The following GALNTL6 variants were observed in gnomAD, a reference collection of about 807,000 sequenced individuals.
GALNTL6 encodes the protein polypeptide N-acetylgalactosaminyltransferase like 6, also known as polypeptide N-acetylgalactosaminyltransferase-like 6.
In GALNTL6, 46 loss-of-function variants were observed where a neutral mutation model predicts 73.7. The ratio of observed to expected loss-of-function variants is 0.62; its 90% CI spans 0.49 to 0.80. The LOEUF is 0.80. Ranked by LOEUF, GALNTL6 falls within the 30% of genes least tolerant of loss-of-function variation. GALNTL6 has a pLI of 0.00. For synonymous variants in GALNTL6, 259 were observed against 263.7 expected, an observed-to-expected ratio of 0.98 and a Z score of 0.17; for missense variants, 604 against 755.0, an observed-to-expected ratio of 0.80 and a Z score of 2.34.
rs1035300993 is a variant in GALNTL6 at position 172,181,683 on chromosome 4, T to C, written c.139-47973T>C. ...AGTTTTCAGATGACATGATTGTATA[T>C]TTAGAAAATGCCATCATCTCAGCCC... On this transcript the variant is annotated intron_variant, in intron 2 of 12. Coordinates refer to ENST00000506823, the MANE Select transcript of GALNTL6 (RefSeq NM_001034845.3). Among the ~76,000 whole-genome samples, 7 of 151,836 alleles carry C rather than the reference T, an allele frequency of 4.6e-5. No homozygotes were observed. The East Asian group carries it at 5.8e-4, about 13-fold the overall frequency.
intron 2 of GALNTL6, among the ~76,000 whole-genome samples, chr4:172,180,744 A>C (rs1385908314): frequency 6.6e-6 from 1 of 152,154 alleles, no homozygotes; most frequent in Non-Finnish European, 1.5e-5. Context: ...GGTTTGTCAA[A>C]GATCAGATGG....
intron 7 of GALNTL6, among the ~76,000 whole-genome samples, chr4:172,881,582 C>T (rs1288014473): frequency 1.3e-5 from 2 of 152,158 alleles, no homozygotes; most frequent in Non-Finnish European, 2.9e-5. Flanking sequence ...TAAAGCATTA[C>T]CAAGACTAAG....
intron 5 of GALNTL6, among the ~76,000 whole-genome samples, chr4:172,398,564 T>C (rs1743929162): frequency 1.3e-5 from 2 of 152,142 alleles, no homozygotes; most frequent in African/African-American, 4.8e-5. Flanking sequence ...TGTGTTGAGA[T>C]GAAAGAAAGA....
At chr4:171,902,258 G>T (rs1030270759) in intron 2 of GALNTL6, among the ~76,000 whole-genome samples, 4 of 152,112 alleles carry the variant, frequency 2.6e-5, no homozygotes, top group Non-Finnish European at 4.4e-5. Flanking sequence ...TATTCAGGAG[G>T]TTGTAAAAAA....
At chr4:172,434,870 A>G (rs529390412) in intron 5 of GALNTL6, among the ~76,000 whole-genome samples, 1 of 152,186 alleles carries the variant, frequency 6.6e-6, no homozygotes, top group East Asian at 1.9e-4. Flanking sequence ...CATATTCCAT[A>G]GTCTTTATTT....
chr4:172,113,529 C>T (rs1349500018), intron 2 of GALNTL6, among the ~76,000 whole-genome samples: 1 of 151,888 alleles, frequency 6.6e-6, no homozygotes, highest in East Asian at 1.9e-4. Flanking sequence ...CTGAGTTAAG[C>T]AATGTCTATT....
At chr4:172,582,297 G>A (rs1355301468) in intron 5 of GALNTL6, among the ~76,000 whole-genome samples, 1 of 152,164 alleles carries the variant, frequency 6.6e-6, no homozygotes, top group Non-Finnish European at 1.5e-5. Context: ...CCTTGGGCAG[G>A]TTATTTAAAC....
intron 5 of GALNTL6, among the ~76,000 whole-genome samples, chr4:172,588,876 A>G (rs914153397): frequency 6.6e-6 from 1 of 152,210 alleles, no homozygotes; most frequent in Non-Finnish European, 1.5e-5. Context: ...AGCTCTAACC[A>G]TAATGAAGGC....
intron 2 of GALNTL6, among the ~76,000 whole-genome samples, chr4:171,951,688 C>T (rs1489935988): frequency 6.6e-6 from 1 of 151,906 alleles, no homozygotes; most frequent in Non-Finnish European, 1.5e-5. Flanking sequence ...AGAACACATT[C>T]AATTTTTAAA....
At chr4:173,021,214 T>C (rs1167726171) in intron 11 of GALNTL6, among the ~76,000 whole-genome samples, 1 of 152,146 alleles carries the variant, frequency 6.6e-6, no homozygotes, top group African/African-American at 2.4e-5. Flanking sequence ...TTTTCTACCA[T>C]CCTCTGTATT....
chr4:172,697,145 T>C (rs1733746764), intron 5 of GALNTL6, among the ~76,000 whole-genome samples: 1 of 152,220 alleles, frequency 6.6e-6, no homozygotes, highest in African/African-American at 2.4e-5. Flanking sequence ...TCCAAATGCC[T>C]TTTTTACAGC....
At chr4:172,455,073 G>C (rs1732342040) in intron 5 of GALNTL6, among the ~76,000 whole-genome samples, 1 of 152,202 alleles carries the variant, frequency 6.6e-6, no homozygotes, top group Admixed American at 6.5e-5. Flanking sequence ...GTGAGCAGAA[G>C]CAGGGTGGGG....
At chr4:171,818,816 T>A (rs1012227905) in intron 2 of GALNTL6, among the ~76,000 whole-genome samples, 93 of 152,112 alleles carry the variant, frequency 6.1e-4, no homozygotes, top group African/African-American at 1.8e-3. Context: ...TAAAAAAAAA[T>A]TCTGAAAAGG....
intron 5 of GALNTL6, among the ~76,000 whole-genome samples, chr4:172,379,076 A>G (rs1021268156): frequency 6.6e-6 from 1 of 152,218 alleles, no homozygotes; most frequent in Non-Finnish European, 1.5e-5. Context: ...AATGGTCACA[A>G]GCTTTTTCTG....
chr4:172,910,097 A>T (rs1308603368), intron 8 of GALNTL6, among the ~76,000 whole-genome samples: 2 of 151,970 alleles, frequency 1.3e-5, no homozygotes, highest in African/African-American at 2.4e-5. Context: ...TAATTTATAT[A>T]TAAAACATAT....
At chr4:172,213,083 G>T (rs1225056381) in intron 2 of GALNTL6, among the ~76,000 whole-genome samples, 2 of 141,392 alleles carry the variant, frequency 1.4e-5, no homozygotes, top group Non-Finnish European at 3.1e-5. Context: ...GAAAAAAAAT[G>T]CATTTAAGTT....
intron 10 of GALNTL6, among the ~76,000 whole-genome samples, chr4:172,987,101 T>C (rs1751322641): frequency 6.6e-6 from 1 of 152,190 alleles, no homozygotes; most frequent in Non-Finnish European, 1.5e-5. Context: ...AGACAAATCA[T>C]GGTAGGACTG....
intron 2 of GALNTL6, among the ~76,000 whole-genome samples, chr4:172,049,984 A>G (rs1448254260): frequency 9.7e-6 from 1 of 103,028 alleles, no homozygotes; most frequent in Non-Finnish European, 2.0e-5. Context: ...AACTCTGTCT[A>G]AAAAGAAAAA....
intron 5 of GALNTL6, among the ~76,000 whole-genome samples, chr4:172,676,032 TA>T (rs2111218321): frequency 6.6e-6 from 1 of 152,296 alleles, no homozygotes; most frequent in Admixed American, 6.5e-5. Context: ...GTCATGGTTT[TA>T]AATAAAAAAG....
Sources: allele counts gnomAD v4.1 joint callset (sites outside exome capture counted in the v4.1 genomes callset), GRCh38; gene constraint gnomAD v4.1.1; transcripts MANE v1.5; gene names NCBI Gene and HGNC (gene_info 2026-07-23, HGNC 2026-07-21).